Variants in CADPS observed in about 807,000 individuals in gnomAD.
The protein encoded by CADPS is calcium dependent secretion activator, also known as calcium-dependent secretion activator 1.
CADPS carries 57 observed loss-of-function variants against 167.3 expected under a neutral mutation model. The observed-to-expected ratio is 0.34, with a 90% CI of 0.28 to 0.42. The LOEUF is 0.42. CADPS is among the 20% of genes least tolerant of loss of function. The pLI is 1.00. For synonymous variants in CADPS, 676 were observed against 635.3 expected (o/e 1.06, Z -0.96); for missense variants, 1,414 against 1,738.1 (o/e 0.81, Z 3.32).
intron 6 of CADPS, among the ~76,000 whole-genome samples, chr3:62,631,480 T>C (rs909724904): frequency 6.6e-6 from 1 of 152,200 alleles, no homozygotes; most frequent in Non-Finnish European, 1.5e-5. Flanking sequence ...CTCTGAATAT[T>C]TTAATCCATG....
chr3:62,473,539 A>G (rs2060881380), intron 24 of CADPS, among the ~76,000 whole-genome samples: 1 of 152,214 alleles, frequency 6.6e-6, no homozygotes, highest in South Asian at 2.1e-4. Context: ...TGATCATGAT[A>G]GTCTTTAATC....
rs930227933 is a variant in CADPS, at chr3:62,544,107, G to A, written c.1966+5796C>T. Among the ~76,000 whole-genome samples the A allele has an allele frequency of 6.6e-6, 1 of 151,918 alleles. No homozygotes were observed. Among genetic ancestry groups the A allele is most frequent in the Non-Finnish European group, 1.5e-5 (1 of 67,970 alleles). On this transcript the variant is annotated intron_variant, in intron 11 of 29. Coordinates refer to ENST00000383710, the MANE Select transcript of CADPS (RefSeq NM_003716.4). This position sits in a 1 kb window ranked among gnomAD's most constrained non-coding sequence, Gnocchi z 4.4. ...GGCATTGTAAGACTGTGAATCCAAA[G>A]CATTTGTAAATGAGTGACATGGATT... is the stretch of plus-strand genomic sequence containing the variant.
intron 26 of CADPS, among the ~76,000 whole-genome samples, chr3:62,448,183 C>T (rs1191019616): frequency 1.3e-5 from 2 of 152,154 alleles, no homozygotes; most frequent in South Asian, 2.1e-4. Context: ...ATTCAAGCAT[C>T]GGTGGTCAGA....
At chr3:62,733,411 C>T in intron 3 of CADPS, among the ~76,000 whole-genome samples, 1 of 142,648 alleles carries the variant, frequency 7.0e-6, no homozygotes, top group African/African-American at 2.7e-5. Flanking sequence ...GCCAAATCTG[C>T]AAACCTAGAA....
At chr3:62,685,878 C>T (rs977937009) in intron 3 of CADPS, among the ~76,000 whole-genome samples, 5 of 152,024 alleles carry the variant, frequency 3.3e-5, no homozygotes, top group African/African-American at 9.7e-5. Context: ...GGCAGTAATG[C>T]CTGGTACCTG....
intron 28 of CADPS, among the ~76,000 whole-genome samples, chr3:62,434,255 A>AT (rs1231522626): frequency 6.6e-6 from 1 of 152,208 alleles, no homozygotes; most frequent in Non-Finnish European, 1.5e-5. Context: ...ATTACACTTC[A>AT]TTTTTTATGA....
chr3:62,714,723 C>T (rs2084076161), intron 3 of CADPS, among the ~76,000 whole-genome samples: 1 of 152,054 alleles, frequency 6.6e-6, no homozygotes, highest in Non-Finnish European at 1.5e-5. Context: ...GAAAAGATGC[C>T]TAGGAGCAAA....
chr3:62,666,390 C>G (rs148150107), intron 3 of CADPS, among the ~76,000 whole-genome samples: 15 of 152,176 alleles, frequency 9.9e-5, no homozygotes, highest in African/African-American at 2.9e-4. Context: ...CAAGTAATTA[C>G]CTTTTCAAGG....
At chr3:62,768,486 C>G (rs114684255) in intron 1 of CADPS, among the ~76,000 whole-genome samples, 3,481 of 152,182 alleles carry the variant, frequency 0.023, 65 homozygotes, top group South Asian at 0.061. Flanking sequence ...ATTGTTGACC[C>G]AGGCCAAATC....
intron 5 of CADPS, among the ~76,000 whole-genome samples, chr3:62,648,190 T>C (rs2069032506): frequency 6.6e-6 from 1 of 152,124 alleles, no homozygotes; most frequent in Non-Finnish European, 1.5e-5. Context: ...TGTGCAATGG[T>C]TTTTGCTGGC....
intron 1 of CADPS, among the ~76,000 whole-genome samples, chr3:62,778,669 C>T (rs1005362656): frequency 5.3e-5 from 8 of 152,210 alleles, no homozygotes; most frequent in African/African-American, 1.9e-4. Flanking sequence ...CAGACCCACT[C>T]ACTCAGAATG....
At chr3:62,593,365 C>T (rs947507748) in intron 6 of CADPS, among the ~76,000 whole-genome samples, 1 of 152,222 alleles carries the variant, frequency 6.6e-6, no homozygotes, top group Non-Finnish European at 1.5e-5. Context: ...GTTTTCCACA[C>T]ACGGGAGCCT....
chr3:62,673,089 T>C (rs1044828836), intron 3 of CADPS, among the ~76,000 whole-genome samples: 2 of 152,246 alleles, frequency 1.3e-5, no homozygotes, highest in African/African-American at 2.4e-5. Context: ...CTTCTTGGCA[T>C]GTTCTGTGCA....
intron 21 of CADPS, among the ~76,000 whole-genome samples, chr3:62,485,716 C>T (rs1011472579): frequency 6.6e-6 from 1 of 152,134 alleles, no homozygotes; most frequent in Non-Finnish European, 1.5e-5. Context: ...AATCAACAAA[C>T]ATTTATTGAG....
intron 3 of CADPS, among the ~76,000 whole-genome samples, chr3:62,705,245 T>C (rs1174957505): frequency 6.6e-6 from 1 of 152,052 alleles, no homozygotes; most frequent in East Asian, 1.9e-4. Flanking sequence ...GAGATTCTTC[T>C]CTCCCTTTCG....
chr3:62,763,832 A>G (rs1312199991), intron 2 of CADPS, among the ~76,000 whole-genome samples: 19 of 152,184 alleles, frequency 1.2e-4, no homozygotes, highest in Admixed American at 1.2e-3. Context: ...TTCTTATGTT[A>G]CTCAAATGCT....
intron 24 of CADPS, among the ~76,000 whole-genome samples, chr3:62,472,862 T>G (rs974740472): frequency 6.6e-6 from 1 of 152,192 alleles, no homozygotes; most frequent in Admixed American, 6.5e-5. Flanking sequence ...CCTACCTGAG[T>G]CCTTCCCCTG....
At chr3:62,692,383 C>T (rs569447019) in intron 3 of CADPS, among the ~76,000 whole-genome samples, 15 of 70,720 alleles carry the variant, frequency 2.1e-4, no homozygotes, top group Non-Finnish European at 3.3e-4. Flanking sequence ...CTTATGAGTA[C>T]GGTTTTTTCC....
rs889861671 is a variant in CADPS, at chr3:62,768,532, T to C, written c.442-2548A>G. On this transcript the variant is annotated intron_variant, in intron 1 of 29. Transcript: ENST00000383710. Reference sequence around the variant, plus strand: ...CTAACCTTTCCTTAAATAAGCATGGTGCTCATTTAGTTAAGAAATATTTAT... The same window carrying C: ...CTAACCTTTCCTTAAATAAGCATGGCGCTCATTTAGTTAAGAAATATTTAT... 1.1e-4 allele frequency among the ~76,000 whole-genome samples: 17 copies of C among 152,148 alleles called. 1 individual carries two copies. Among genetic ancestry groups the C allele is most frequent in the Admixed American group, 1.1e-3 (17 of 15,274 alleles).
Sources: gnomAD v4.1 joint callset for allele counts (sites outside exome capture counted in the v4.1 genomes callset) on GRCh38, gnomAD v4.1.1 for gene constraint, Gnocchi (gnomAD v3.1) non-coding constraint, MANE v1.5 for transcripts, NCBI Gene and HGNC (gene_info 2026-07-23, HGNC 2026-07-21) for gene names.